AASS: variants seen among roughly 807,000 people sequenced by gnomAD.
AASS encodes the protein alpha-aminoadipic semialdehyde synthase, mitochondrial.
In AASS, 86 loss-of-function variants were observed where a neutral mutation model predicts 105.4. The observed-to-expected ratio is 0.82, with a 90% CI of 0.69 to 0.98. AASS has a LOEUF of 0.98. AASS is among the 50% of genes least tolerant of loss of function. The pLI is 0.00. For synonymous variants in AASS, 381 were observed against 394.8 expected (o/e 0.96, Z 0.41); for missense variants, 1,048 against 1,143.2 (o/e 0.92, Z 1.20).
At position 122,118,318 on chromosome 7, in the gene AASS, T is replaced by A; in HGVS notation, c.676A>T (p.Asn226Tyr). ...PLTFVFTGTG[N>Y]VSKGAQAIFN... ...CAGGTAAAAGTTACCTTAGAAACAT[T>A]ACCAGTTCCTGTGAACACAAATGTT... The change falls in exon 6 of 24, where the codon AAT becomes TAT. Residue 226 changes from asparagine to tyrosine, a missense_variant. By Grantham distance (143) the Asn-to-Tyr change is moderately radical (BLOSUM62 -2). Coordinates refer to ENST00000417368, the MANE Select transcript of AASS (RefSeq NM_005763.4). The A allele has an allele frequency of 6.2e-7, 1 of 1,614,108 alleles. No homozygotes were observed. Among genetic ancestry groups the A allele is most frequent in the Non-Finnish European group, 8.5e-7 (1 of 1,180,008 alleles).
At position 122,078,936 on chromosome 7, in the gene AASS, C is replaced by T; in HGVS notation, c.2411G>A (p.Gly804Glu). 1 of 1,614,012 alleles carries T rather than the reference C, an allele frequency of 6.2e-7. No homozygotes were observed. The highest frequency in any genetic ancestry group is 8.5e-7 in the Non-Finnish European group (1 of 1,179,994). ...LEAAEWLGLL[G>E]DEQVPQAESI... ...CTCTGCCTGAGGAACTTGTTCATCC[C>T]CAAGTAAGCCCAACCTGAAAAGCAC... The change falls in exon 22 of 24, where the codon GGG (glycine) becomes GAG (glutamate). Residue 804 changes from glycine to glutamate, a missense_variant. Gly to Glu is a moderately conservative substitution (Grantham distance 98). Transcript: ENST00000417368.
intron 1 of AASS, among the ~76,000 whole-genome samples, chr7:122,138,389 T>C (rs1439812581): frequency 6.6e-6 from 1 of 152,168 alleles, no homozygotes; most frequent in Non-Finnish European, 1.5e-5. Context: ...AATTTATAAA[T>C]TGGGCACTGT....
chr7:122,106,017 T>C (rs1242778213), intron 11 of AASS, among the ~76,000 whole-genome samples: 2 of 152,110 alleles, frequency 1.3e-5, no homozygotes, highest in East Asian at 1.9e-4. Flanking sequence ...AAATTTTAGA[T>C]GACTGTTGTT....
At chr7:122,119,676 CTG>C (rs1795350077) in intron 4 of AASS, among the ~76,000 whole-genome samples, 1 of 152,152 alleles carries the variant, frequency 6.6e-6, no homozygotes. Flanking sequence ...AGTTTGGTAA[CTG>C]TTAACAAATA....
chr7:122,126,900 T>A (rs1284430530), intron 3 of AASS, among the ~76,000 whole-genome samples: 1 of 152,176 alleles, frequency 6.6e-6, no homozygotes. Flanking sequence ...CTTCTTGAAC[T>A]ATTACCTCTT....
At chr7:122,103,020 TAA>T (rs1194049505) in intron 11 of AASS, among the ~76,000 whole-genome samples, 1 of 151,996 alleles carries the variant, frequency 6.6e-6, no homozygotes, top group South Asian at 2.1e-4. Flanking sequence ...ATAACTTTTT[TAA>T]AAAATGTAAA....
At chr7:122,092,673 G>A (rs538802271) in intron 17 of AASS, among the ~76,000 whole-genome samples, 170 bp downstream of exon 17, 2 of 151,800 alleles carry the variant, frequency 1.3e-5, no homozygotes, top group Non-Finnish European at 2.9e-5. Flanking sequence ...GCAGTGAGCC[G>A]AGATTGTGCC....
chr7:122,136,917 C>T (rs1796164406), intron 1 of AASS, among the ~76,000 whole-genome samples: 1 of 152,174 alleles, frequency 6.6e-6, no homozygotes, highest in South Asian at 2.1e-4. Flanking sequence ...AGTAGACACA[C>T]ACACAGACAC....
rs1025329500 is a variant in AASS at position 122,129,440 on chromosome 7, C to G, written c.308G>C (p.Arg103Thr). Residue 103 changes from arginine to threonine, a missense_variant, in exon 3 of 24, where the codon AGG becomes ACG. Arg to Thr is a moderately conservative substitution (Grantham distance 71, BLOSUM62 -1). Transcript: ENST00000417368. ...KRPPEEKLMS[R>T]KTYAFFSHTI... Reference sequence around the variant, plus strand: ...GTGGGAGAAAAATGCATAAGTCTTCCTGGACATTAATTTTTCCTCTGGAGG... The same window carrying G: ...GTGGGAGAAAAATGCATAAGTCTTCGTGGACATTAATTTTTCCTCTGGAGG... The G allele has an allele frequency of 6.2e-7, 1 of 1,613,458 alleles. No homozygotes were observed. Among genetic ancestry groups the G allele is most frequent in the African/African-American group, 1.3e-5 (1 of 75,020 alleles).
intron 11 of AASS, among the ~76,000 whole-genome samples, chr7:122,105,177 A>C (rs1794609626): frequency 6.6e-6 from 1 of 152,124 alleles, no homozygotes; most frequent in Admixed American, 6.6e-5. Context: ...AAGTCATAGC[A>C]ATTGTAAATA....
At chr7:122,132,803 T>C (rs1392972709) in intron 2 of AASS, among the ~76,000 whole-genome samples, 1 of 152,144 alleles carries the variant, frequency 6.6e-6, no homozygotes, top group Non-Finnish European at 1.5e-5. Flanking sequence ...TCCATGTCAA[T>C]GTCAATATCA....
intron 1 of AASS, among the ~76,000 whole-genome samples, chr7:122,138,939 T>A (rs1333925411): frequency 6.6e-6 from 1 of 152,096 alleles, no homozygotes; most frequent in Non-Finnish European, 1.5e-5. Context: ...TCATTCTAAA[T>A]CACATGGAGT....
intron 19 of AASS, 107 bp from the exon 20 acceptor site, chr7:122,081,702 T>G (rs1186234214): frequency 1.3e-6 from 1 of 782,588 alleles, no homozygotes; most frequent in Non-Finnish European, 2.1e-6. Flanking sequence ...TTTAGAAAAC[T>G]GTTTATATTG....
intron 11 of AASS, among the ~76,000 whole-genome samples, chr7:122,106,853 C>A (rs1214206440): frequency 2.6e-5 from 4 of 151,942 alleles, no homozygotes; most frequent in Non-Finnish European, 5.9e-5. Flanking sequence ...TGGGAACTAG[C>A]AAAGATTTCA....
Position 122,113,208 on chromosome 7 carries a change from C to G in AASS, c.1188G>C (p.Leu396=), listed in dbSNP as rs1795015437. The change falls in exon 11 of 24, where the codon CTG becomes CTC. Residue 396 remains leucine, a synonymous_variant. Transcript: ENST00000417368. ...CCGGCAAATTGTCAATGGAACACAT[C>G]AGGATCCCCGAGCCTTCAACACTAA... is the stretch of plus-strand genomic sequence containing the variant. ...IHDSVEGSGI[L]MCSIDNLPAQ... is the part of the protein sequence containing the mutation. 3 of 1,614,056 alleles carry G rather than the reference C, an allele frequency of 1.9e-6. No individual in the cohort carries two copies. Among genetic ancestry groups the G allele is most frequent in the Non-Finnish European group, 2.5e-6 (3 of 1,179,948 alleles).
At chr7:122,127,702 T>C (rs1269184566) in intron 3 of AASS, among the ~76,000 whole-genome samples, 5 of 152,224 alleles carry the variant, frequency 3.3e-5, no homozygotes, top group Admixed American at 6.5e-5. Context: ...TTGCTTTTAC[T>C]GTTTATGAAC....
intron 4 of AASS, among the ~76,000 whole-genome samples, chr7:122,120,965 T>C (rs527977831): frequency 1.3e-5 from 2 of 152,292 alleles, no homozygotes; most frequent in South Asian, 4.1e-4. Flanking sequence ...TGACTCATTC[T>C]ATAGCCTATC....
chr7:122,084,892 A>C (rs1024652853), intron 19 of AASS, among the ~76,000 whole-genome samples: 25 of 152,198 alleles, frequency 1.6e-4, no homozygotes, highest in African/African-American at 5.5e-4. Context: ...ATTTGCAGTC[A>C]GGTCTCTGAT....
Position 122,076,430 on chromosome 7 carries a change from TCA to T in AASS, c.*57_*58del. On this transcript the variant is annotated 3_prime_UTR_variant, in exon 24 of 24. Coordinates refer to ENST00000417368, the MANE Select transcript of AASS (RefSeq NM_005763.4). ...AACAGCACATTAGCAAACCCATTTA[TCA>T]CACACATGTTCAGAGGTGTATTGCC... is the stretch of plus-strand genomic sequence containing the variant. 8.9e-7 allele frequency: 1 copy of T among 1,127,054 alleles called. No individual in the cohort carries two copies. Among genetic ancestry groups the T allele is most frequent in the Non-Finnish European group, 1.4e-6 (1 of 736,208 alleles). The allele number at this position is 1,127,054 out of a possible 1,614,324, so 69.8% of individuals were successfully genotyped here.
Sources: gnomAD v4.1 joint callset for allele counts (sites outside exome capture counted in the v4.1 genomes callset) on GRCh38, gnomAD v4.1.1 for gene constraint, MANE v1.5 for transcripts, NCBI Gene and HGNC (gene_info 2026-07-23, HGNC 2026-07-21) for gene names.